PCSK5: variants seen among roughly 807,000 people sequenced by gnomAD.
PCSK5 encodes prohormone convertase 5.
In PCSK5, 129 loss-of-function variants were observed where a neutral mutation model predicts 233.2. The observed-to-expected ratio is 0.55, with a 90% CI of 0.48 to 0.64. The LOEUF is 0.64. Ranked by LOEUF, PCSK5 falls within the 30% of genes least tolerant of loss-of-function variation. The pLI is 0.00. For synonymous variants in PCSK5, 825 were observed against 879.2 expected (o/e 0.94, Z 1.09); for missense variants, 2,076 against 2,430.1 (o/e 0.85, Z 3.06).
intron 9 of PCSK5, among the ~76,000 whole-genome samples, chr9:76,110,471 G>A (rs1489490814): frequency 6.6e-6 from 1 of 152,214 alleles, no homozygotes; most frequent in African/African-American, 2.4e-5. Context: ...GCCTGCATGG[G>A]TAGGACTGTG....
In PCSK5 at chr9:76,171,430, T is replaced by C. The variant is rs1462705067; in HGVS notation, c.1756+1590T>C. On this transcript the variant is annotated intron_variant, in intron 13 of 37. Transcript: ENST00000674117. The stretch of plus-strand genomic sequence containing the variant: ...AAGGAAGGTGCAGACATAAAGAGTA[T>C]GTTTTTGAGCATTTTAAAGTTATAA... 2.6e-5 allele frequency among the ~76,000 whole-genome samples: 4 copies of C among 152,202 alleles called. No homozygotes were observed. The East Asian group carries it at 7.7e-4, about 29-fold the overall frequency.
At chr9:76,341,184 C>A (rs1246919277) in intron 35 of PCSK5, among the ~76,000 whole-genome samples, 1 of 151,982 alleles carries the variant, frequency 6.6e-6, no homozygotes, top group African/African-American at 2.4e-5. Context: ...ATGATTGTGC[C>A]ACTGCACTCC....
At chr9:76,184,155 G>A (rs1430997117) in intron 16 of PCSK5, among the ~76,000 whole-genome samples, 2 of 152,164 alleles carry the variant, frequency 1.3e-5, no homozygotes, top group Non-Finnish European at 2.9e-5. Flanking sequence ...AATAAACAAT[G>A]TTAGAAATAA....
At chr9:75,938,832 T>C (rs1232888471) in intron 2 of PCSK5, among the ~76,000 whole-genome samples, 1 of 152,134 alleles carries the variant, frequency 6.6e-6, no homozygotes, top group Non-Finnish European at 1.5e-5. Flanking sequence ...TGGATGTGGA[T>C]AGGGTGGGTG....
chr9:75,969,325 T>G (rs1228745888), intron 2 of PCSK5, among the ~76,000 whole-genome samples: 1 of 152,176 alleles, frequency 6.6e-6, no homozygotes, highest in Admixed American at 6.5e-5. Context: ...CTTTTCTTGT[T>G]TGAAGCAGAA....
chr9:76,316,562 A>C (rs1300707218), intron 30 of PCSK5, among the ~76,000 whole-genome samples: 1 of 120,608 alleles, frequency 8.3e-6, no homozygotes, highest in Non-Finnish European at 1.6e-5. Context: ...CCATCTCTAC[A>C]AAAAAAAAAA....
chr9:76,116,925 C>A (rs1023286233), intron 9 of PCSK5, among the ~76,000 whole-genome samples: 1 of 152,044 alleles, frequency 6.6e-6, no homozygotes, highest in African/African-American at 2.4e-5. Flanking sequence ...AGGAACTTTC[C>A]CTACAGTTAT....
intron 2 of PCSK5, among the ~76,000 whole-genome samples, chr9:75,978,447 A>G (rs1309136776): frequency 1.3e-5 from 2 of 152,236 alleles, no homozygotes; most frequent in Non-Finnish European, 2.9e-5. Flanking sequence ...TAGAATACCA[A>G]GAAGTTATGT....
intron 10 of PCSK5, among the ~76,000 whole-genome samples, chr9:76,146,112 T>C (rs1587685405): frequency 2.0e-5 from 3 of 152,160 alleles, no homozygotes; most frequent in African/African-American, 7.2e-5. Context: ...TTCAAAGCAA[T>C]TAAACTTCTA....
At position 76,157,142 on chromosome 9, in the gene PCSK5, G is replaced by A; in HGVS notation, c.1410G>A (p.Glu470=). Reference sequence around the variant, plus strand: ...TTCCCCGGCAGCACGTGTGTGTGGAGAGCACAGACCGACAAATCAAGTAAT... The same window carrying A: ...TTCCCCGGCAGCACGTGTGTGTGGAAAGCACAGACCGACAAATCAAGTAAT... The part of the protein sequence containing the change: ...TTVPRQHVCV[E]STDRQIKTIR... The change falls in exon 11 of 38, where the codon GAG becomes GAA. Residue 470 remains glutamate, a synonymous_variant. Transcript: ENST00000674117. 1 of 1,612,424 alleles carries A rather than the reference G, an allele frequency of 6.2e-7. No individual in the cohort carries two copies. The highest frequency in any genetic ancestry group is 8.5e-7 in the Non-Finnish European group (1 of 1,178,952).
intron 1 of PCSK5, among the ~76,000 whole-genome samples, chr9:75,897,910 C>T (rs1250135988): frequency 6.6e-6 from 1 of 152,084 alleles, no homozygotes; most frequent in Non-Finnish European, 1.5e-5. Context: ...ATAGATGGGA[C>T]CTTTTTCAGG....
chr9:76,136,387 A>G (rs1822978782), intron 10 of PCSK5, among the ~76,000 whole-genome samples: 1 of 152,092 alleles, frequency 6.6e-6, no homozygotes, highest in Non-Finnish European at 1.5e-5. Flanking sequence ...ATGACTTTTT[A>G]TGAAATAACA....
At chr9:76,332,685 A>C in intron 34 of PCSK5, 75 bp downstream of exon 34, 1 of 1,121,542 alleles carries the variant, frequency 8.9e-7, no homozygotes, top group African/African-American at 1.5e-5. Context: ...CAAATGAGGA[A>C]ACTAAGATTC....
chr9:75,956,554 T>C (rs1184296858), intron 2 of PCSK5, among the ~76,000 whole-genome samples: 1 of 152,208 alleles, frequency 6.6e-6, no homozygotes, highest in Non-Finnish European at 1.5e-5. Context: ...CAAAGTTTTC[T>C]TTGAAATAAT....
chr9:76,161,003 A>G (rs1339985110), intron 12 of PCSK5, among the ~76,000 whole-genome samples: 5 of 152,002 alleles, frequency 3.3e-5, no homozygotes, highest in African/African-American at 1.2e-4. Flanking sequence ...TGAACTCCCA[A>G]CCTCAAGTGA....
intron 30 of PCSK5, among the ~76,000 whole-genome samples, chr9:76,315,596 A>G (rs1587316354): frequency 6.6e-6 from 1 of 152,104 alleles, no homozygotes; most frequent in Non-Finnish European, 1.5e-5. Flanking sequence ...ATGCAGAGAC[A>G]GGAAAGGAGA....
At chr9:76,339,205 A>G (rs1829762860) in intron 35 of PCSK5, among the ~76,000 whole-genome samples, 1 of 152,118 alleles carries the variant, frequency 6.6e-6, no homozygotes, top group African/African-American at 2.4e-5. Context: ...TATGAGCACC[A>G]TGAATGCTTC....
At chr9:76,088,065 A>G (rs747072795) in intron 7 of PCSK5, among the ~76,000 whole-genome samples, 2 of 152,224 alleles carry the variant, frequency 1.3e-5, no homozygotes, top group Non-Finnish European at 2.9e-5. Flanking sequence ...GTACTCCCAT[A>G]CAGTGTTGTC....
Position 76,328,317 on chromosome 9 carries a change from A to T in PCSK5, c.4570+78A>T, listed in dbSNP as rs535762735. The stretch of plus-strand genomic sequence containing the variant: ...CCTTGCACACTGCCTTGTCCAGTAG[A>T]TACTGGCTTCTTTCTTTTTGATTTT... On this transcript the variant is annotated intron_variant, in intron 33 of 37. Coordinates refer to ENST00000674117, the MANE Select transcript of PCSK5 (RefSeq NM_001372043.1). 8.1e-6 allele frequency: 8 copies of T among 991,558 alleles called. No homozygotes were observed. The East Asian group carries it at 1.7e-4, about 21-fold the overall frequency. 61.4% of individuals were successfully genotyped at this position (991,558 alleles called of 1,614,324 possible).
Sources: allele counts gnomAD v4.1 joint callset (sites outside exome capture counted in the v4.1 genomes callset), GRCh38; gene constraint gnomAD v4.1.1; transcripts MANE v1.5; gene names NCBI Gene and HGNC (gene_info 2026-07-23, HGNC 2026-07-21).